Variants in LRRC4C observed in about 807,000 individuals in gnomAD.
LRRC4C encodes the protein leucine-rich repeat-containing protein 4C.
In LRRC4C, 5 loss-of-function variants were observed where a neutral mutation model predicts 33.6. The observed-to-expected ratio is 0.15, with a 90% CI of 0.08 to 0.31. LRRC4C has a LOEUF of 0.31. LRRC4C is among the 10% of genes least tolerant of loss of function. LRRC4C has a pLI of 1.00. For missense variants in LRRC4C, 560 were observed against 796.7 expected (o/e 0.70, Z 3.58); for synonymous variants, 329 against 302.0 (o/e 1.09, Z -0.93).
Position 41,126,889 on chromosome 11 carries a change from C to T in LRRC4C, c.-495-193166G>A, listed in dbSNP as rs144678295. Among the ~76,000 whole-genome samples, 443 of 151,932 alleles carry T rather than the reference C, an allele frequency of 2.9e-3. 1 individual carries two copies. The highest frequency in any genetic ancestry group is 4.8e-3 in the Non-Finnish European group (329 of 67,982). Reference sequence around the variant, plus strand: ...ATGTAATTCCATGAGAAAGTTAAGGCGACACCAGCAAAAAAGTCAATCCAA... The same window carrying T: ...ATGTAATTCCATGAGAAAGTTAAGGTGACACCAGCAAAAAAGTCAATCCAA... On this transcript the variant is annotated intron_variant, in intron 1 of 6. Transcript: ENST00000528697.
chr11:41,043,901 T>TG (rs1857600100), intron 1 of LRRC4C, among the ~76,000 whole-genome samples: 1 of 151,670 alleles, frequency 6.6e-6, no homozygotes, highest in African/African-American at 2.4e-5. Flanking sequence ...CCAAGAATGA[T>TG]GGATAAGGTA....
intron 2 of LRRC4C, among the ~76,000 whole-genome samples, chr11:40,912,201 C>T (rs1253478001): frequency 1.3e-5 from 2 of 151,992 alleles, no homozygotes; most frequent in Non-Finnish European, 2.9e-5. Context: ...GAGAATGCCA[C>T]AAAGATACTC....
chr11:40,151,715 A>G (rs1304583135), intron 5 of LRRC4C, among the ~76,000 whole-genome samples: 2 of 152,172 alleles, frequency 1.3e-5, no homozygotes, highest in East Asian at 3.9e-4. Flanking sequence ...TTATAATAAA[A>G]TATAGCTGGA....
intron 1 of LRRC4C, among the ~76,000 whole-genome samples, chr11:41,415,582 C>T (rs1954646352): frequency 6.6e-6 from 1 of 152,036 alleles, no homozygotes; most frequent in Non-Finnish European, 1.5e-5. Context: ...AAAGTATGTT[C>T]TGAGAGTACT....
chr11:41,177,240 G>A (rs1945245043), intron 1 of LRRC4C, among the ~76,000 whole-genome samples: 1 of 152,166 alleles, frequency 6.6e-6, no homozygotes, highest in African/African-American at 2.4e-5. Context: ...TACAAGAAGA[G>A]TGTATGTTCA....
intron 2 of LRRC4C, among the ~76,000 whole-genome samples, chr11:40,690,952 A>G (rs1945193809): frequency 6.6e-6 from 1 of 152,072 alleles, no homozygotes; most frequent in Non-Finnish European, 1.5e-5. Flanking sequence ...AGCAAGAAGC[A>G]GTGATGAATG....
At chr11:40,936,792 G>C (rs546756064) in intron 1 of LRRC4C, among the ~76,000 whole-genome samples, 1 of 152,234 alleles carries the variant, frequency 6.6e-6, no homozygotes, top group Non-Finnish European at 1.5e-5. Flanking sequence ...TAAATAATTT[G>C]CATAAGGACA....
intron 3 of LRRC4C, among the ~76,000 whole-genome samples, chr11:40,395,672 T>G (rs376378662): frequency 1.5e-4 from 23 of 152,242 alleles, no homozygotes; most frequent in African/African-American, 5.3e-4. Context: ...TGCTTAAAAA[T>G]TCTCCAGAGT....
At chr11:41,152,564 G>C (rs1396231849) in intron 1 of LRRC4C, among the ~76,000 whole-genome samples, 8 of 151,908 alleles carry the variant, frequency 5.3e-5, no homozygotes, top group African/African-American at 7.3e-5. Context: ...AGTTAGCACA[G>C]AAAAAAAGCT....
At chr11:40,329,699 G>A (rs557046264) in intron 3 of LRRC4C, among the ~76,000 whole-genome samples, 2 of 151,270 alleles carry the variant, frequency 1.3e-5, no homozygotes, top group South Asian at 4.2e-4. Flanking sequence ...AGTATTGATT[G>A]CATAACCACT....
At chr11:41,206,178 G>T (rs748714020) in intron 1 of LRRC4C, among the ~76,000 whole-genome samples, 1 of 152,084 alleles carries the variant, frequency 6.6e-6, no homozygotes, top group Non-Finnish European at 1.5e-5. Flanking sequence ...GTGAACAAAA[G>T]ATTTATTTTT....
intron 1 of LRRC4C, among the ~76,000 whole-genome samples, chr11:41,191,615 T>C (rs948176688): frequency 6.6e-5 from 10 of 152,030 alleles, no homozygotes; most frequent in African/African-American, 2.4e-4. Context: ...CCAGAGGAGA[T>C]CTAACAGATT....
At chr11:41,416,624 G>A (rs533822693) in intron 1 of LRRC4C, among the ~76,000 whole-genome samples, 1 of 151,982 alleles carries the variant, frequency 6.6e-6, no homozygotes, top group Non-Finnish European at 1.5e-5. Flanking sequence ...GACAGTGCGT[G>A]CAAGGGAAGG....
At chr11:40,198,279 C>A (rs1014604244) in intron 5 of LRRC4C, among the ~76,000 whole-genome samples, 1 of 152,166 alleles carries the variant, frequency 6.6e-6, no homozygotes, top group Non-Finnish European at 1.5e-5. Flanking sequence ...CACTTATGTA[C>A]CGTAAAATAG....
intron 3 of LRRC4C, among the ~76,000 whole-genome samples, chr11:40,348,002 G>A (rs890418999): frequency 3.0e-4 from 46 of 152,296 alleles, no homozygotes; most frequent in Middle Eastern, 3.4e-3. Context: ...CCAGAAAAGG[G>A]AGAGATATGA....
At chr11:40,990,649 T>C (rs2137241125) in intron 1 of LRRC4C, among the ~76,000 whole-genome samples, 1 of 152,266 alleles carries the variant, frequency 6.6e-6, no homozygotes, top group African/African-American at 2.4e-5. Flanking sequence ...GTTGACATTC[T>C]CAATGATGAT....
At chr11:40,744,239 T>C (rs1161765520) in intron 2 of LRRC4C, among the ~76,000 whole-genome samples, 3 of 151,992 alleles carry the variant, frequency 2.0e-5, no homozygotes, top group Non-Finnish European at 4.4e-5. Flanking sequence ...AGTAAAATAA[T>C]GAAAAATAAA....
chr11:40,967,847 A>C (rs1369242754), intron 1 of LRRC4C, among the ~76,000 whole-genome samples: 3 of 151,620 alleles, frequency 2.0e-5, no homozygotes, highest in Admixed American at 6.6e-5. Flanking sequence ...TGATAATTTA[A>C]ATATTGAAAT....
intron 1 of LRRC4C, among the ~76,000 whole-genome samples, chr11:40,945,804 C>T (rs1199411192): frequency 6.6e-6 from 1 of 152,136 alleles, no homozygotes; most frequent in African/African-American, 2.4e-5. Flanking sequence ...ACAAACCACA[C>T]CATCAGAGCC....
Sources: allele counts gnomAD v4.1 joint callset (sites outside exome capture counted in the v4.1 genomes callset), GRCh38; gene constraint gnomAD v4.1.1; transcripts MANE v1.5; gene names NCBI Gene and HGNC (gene_info 2026-07-23, HGNC 2026-07-21).